PRKDC: variants seen among roughly 807,000 people sequenced by gnomAD.
The protein encoded by PRKDC is protein kinase, DNA-activated, catalytic subunit.
PRKDC carries 82 observed loss-of-function variants against 486.9 expected under a neutral mutation model. The observed-to-expected ratio is 0.17, with a 90% CI of 0.14 to 0.20. The LOEUF (loss-of-function observed/expected upper bound fraction) is 0.20. Ranked by LOEUF, PRKDC falls within the 10% of genes least tolerant of loss-of-function variation. The pLI, the probability that PRKDC is intolerant of heterozygous loss-of-function variation, is 1.00. For missense variants in PRKDC, 4,504 were observed against 5,038.2 expected, an observed-to-expected ratio of 0.89 and a Z score of 3.21; for synonymous variants, 1,895 against 1,837.0, an observed-to-expected ratio of 1.03 and a Z score of -0.81.
intron 41 of PRKDC, 142 bp downstream of exon 41, chr8:47,864,414 G>T: frequency 1.4e-6 from 1 of 720,078 alleles, no homozygotes; most frequent in Non-Finnish European, 2.2e-6. Flanking sequence ...AGGAAATAAA[G>T]GCAGATCCCA....
chr8:47,807,459 C>A, intron 68 of PRKDC, 133 bp from the exon 69 acceptor site: 1 of 754,842 alleles, frequency 1.3e-6, no homozygotes, highest in South Asian at 2.7e-5. Flanking sequence ...CACTCTGTTG[C>A]CCAGGCTGGA....
chr8:47,802,995 G>C (rs968145147), intron 70 of PRKDC, among the ~76,000 whole-genome samples: 7 of 152,142 alleles, frequency 4.6e-5, no homozygotes, highest in Non-Finnish European at 1.0e-4. Flanking sequence ...CATCACGTTG[G>C]CCAGGATGTT....
Position 47,821,807 on chromosome 8 carries a change from T to A in PRKDC, c.8923-15A>T. The A allele has an allele frequency of 6.6e-7, 1 of 1,519,412 alleles. No individual in the cohort carries two copies. 94.1% of individuals were successfully genotyped at this position (1,519,412 alleles called of 1,614,324 possible). On this transcript the variant is annotated splice_polypyrimidine_tract_variant and intron_variant, in intron 64 of 85. Transcript: ENST00000314191. Reference sequence around the variant, plus strand: ...TTATTGAGAGCCTAGTGGAGAAAAGTTAATAAAATTATTTTACAAAGTTGG... The same window carrying A: ...TTATTGAGAGCCTAGTGGAGAAAAGATAATAAAATTATTTTACAAAGTTGG...
At chr8:47,776,028 T>G (rs1332732869) in intron 85 of PRKDC, among the ~76,000 whole-genome samples, 1 of 152,146 alleles carries the variant, frequency 6.6e-6, no homozygotes, top group Non-Finnish European at 1.5e-5. Flanking sequence ...TTCACCTTGA[T>G]GGCCAGGGTG....
chr8:47,775,033 C>T (rs2086580787), intron 85 of PRKDC, among the ~76,000 whole-genome samples: 1 of 151,898 alleles, frequency 6.6e-6, no homozygotes, highest in African/African-American at 2.4e-5. Flanking sequence ...ACTAAAAATA[C>T]AAAAATTACC....
chr8:47,849,585 T>C (rs889395421), intron 52 of PRKDC, 82 bp from the exon 53 acceptor site: 3 of 1,473,722 alleles, frequency 2.0e-6, no homozygotes, highest in Non-Finnish European at 2.7e-6. Context: ...CTTGAGTATT[T>C]AAGTGAGCCC....
intron 59 of PRKDC, among the ~76,000 whole-genome samples, chr8:47,832,384 T>C (rs945773757): frequency 2.0e-5 from 3 of 151,914 alleles, no homozygotes; most frequent in African/African-American, 7.3e-5. Flanking sequence ...AACCTCCAAA[T>C]CACGACAGGT....
At chr8:47,892,301 T>A (rs561380096) in intron 31 of PRKDC, among the ~76,000 whole-genome samples, 1 of 152,328 alleles carries the variant, frequency 6.6e-6, no homozygotes, top group Admixed American at 6.5e-5. Flanking sequence ...AAAAATGTAA[T>A]GTGCACTAAT....
At chr8:47,849,073 T>G in intron 54 of PRKDC, 81 bp downstream of exon 54, 2 of 1,511,888 alleles carry the variant, frequency 1.3e-6, no homozygotes, top group East Asian at 2.3e-5. Flanking sequence ...ACCCACAGGT[T>G]CTTCTTGAGT....
At chr8:47,943,445 G>T in intron 9 of PRKDC, 79 bp from the exon 10 acceptor site, 1 of 1,407,292 alleles carries the variant, frequency 7.1e-7, no homozygotes. Context: ...GCAGGGATAT[G>T]TCAAAGTCAA....
intron 38 of PRKDC, 90 bp from the exon 39 acceptor site, chr8:47,879,748 A>G (rs1232075330): frequency 3.5e-6 from 4 of 1,144,434 alleles, no homozygotes; most frequent in Non-Finnish European, 4.7e-6. Flanking sequence ...CATTGCAAAT[A>G]AAGCATTATG....
chr8:47,838,258 G>A (rs906220271), intron 56 of PRKDC, among the ~76,000 whole-genome samples: 1 of 152,142 alleles, frequency 6.6e-6, no homozygotes, highest in African/African-American at 2.4e-5. Context: ...GAAGCTCAAT[G>A]AATTTAAAAT....
intron 4 of PRKDC, 43 bp downstream of exon 4, chr8:47,955,831 T>C: frequency 6.9e-7 from 1 of 1,444,454 alleles, no homozygotes; most frequent in Non-Finnish European, 9.5e-7. Flanking sequence ...TTTTAAAAGT[T>C]ACATGTTTAA....
At chr8:47,831,026 C>T (rs2087856177) in intron 60 of PRKDC, among the ~76,000 whole-genome samples, 1 of 152,196 alleles carries the variant, frequency 6.6e-6, no homozygotes, top group Non-Finnish European at 1.5e-5. Flanking sequence ...TGGAGAGCTG[C>T]ATCTCTGGAA....
intron 74 of PRKDC, among the ~76,000 whole-genome samples, chr8:47,793,665 AAATT>A (rs1330795608): frequency 2.0e-5 from 3 of 147,214 alleles, no homozygotes; most frequent in Non-Finnish European, 3.0e-5. Context: ...AAATAAAAAT[AAATT>A]AATTTAAAAA....
Position 47,785,258 on chromosome 8 carries a change from C to T in PRKDC, c.10962G>A (p.Met3654Ile). Reference sequence around the variant, plus strand: ...TAATGTCGTTGAAGTCACTGAGCTTCATTCTCAGTAGTTTAGAACCTCCTT... The same window carrying T: ...TAATGTCGTTGAAGTCACTGAGCTTTATTCTCAGTAGTTTAGAACCTCCTT... ...FGKGGSKLLR[M>I]KLSDFNDITN... The change falls in exon 77 of 86, where the codon ATG becomes ATA. Residue 3654 changes from methionine to isoleucine, a missense_variant. This residue lies in a region of PRKDC where 706 missense variants were observed against 945.0 expected (regional missense o/e 0.75). Transcript: ENST00000314191. 2 of 1,612,958 alleles carry T rather than the reference C, an allele frequency of 1.2e-6. No homozygotes were observed. The highest frequency in any genetic ancestry group is 2.7e-5 in the African/African-American group (2 of 75,038).
At position 47,955,964 on chromosome 8, in the gene PRKDC, A is replaced by G; in HGVS notation, c.325-16T>C. The G allele has an allele frequency of 6.6e-7, 1 of 1,518,120 alleles. No homozygotes were observed. The highest frequency in any genetic ancestry group is 1.2e-5 in the South Asian group (1 of 82,206). 94.0% of individuals were successfully genotyped at this position (1,518,120 alleles called of 1,614,324 possible). ...TACAAGTGTTCTAGGTTTTAAAAAA[A>G]AAATAACCAAAATCATCAATAAGAT... On this transcript the variant is annotated splice_polypyrimidine_tract_variant and intron_variant, in intron 3 of 85. Transcript: ENST00000314191.
Position 47,943,987 on chromosome 8 carries a change from G to T in PRKDC, c.764C>A (p.Ala255Glu). 1 of 1,564,820 alleles carries T rather than the reference G, an allele frequency of 6.4e-7. No individual in the cohort carries two copies. ...TATTAATCCTACCTGAGGACGAATT[G>T]CCTTTAGTACAAAATTAAAAATCTC... Reference protein sequence around the residue: ...SREIFNFVLKAIRPQIDLKRY... With the variant: ...SREIFNFVLKEIRPQIDLKRY... Residue 255 changes from alanine to glutamate, a missense_variant, in exon 8 of 86, where the codon GCA (alanine) becomes GAA (glutamate). Coordinates refer to ENST00000314191, the MANE Select transcript of PRKDC (RefSeq NM_006904.7).
chr8:47,954,544 T>C, intron 4 of PRKDC, 98 bp from the exon 5 acceptor site: 1 of 448,674 alleles, frequency 2.2e-6, no homozygotes, highest in Non-Finnish European at 4.0e-6. Flanking sequence ...AATAACGGGA[T>C]TCCTCTATCT....
Sources: gnomAD v4.1 joint callset for allele counts (sites outside exome capture counted in the v4.1 genomes callset) on GRCh38, gnomAD v4.1.1 for gene constraint, gnomAD v4.1.1 regional missense constraint, MANE v1.5 for transcripts, NCBI Gene and HGNC (gene_info 2026-07-23, HGNC 2026-07-21) for gene names.